The following RARB variants were observed in gnomAD, a reference collection of about 807,000 sequenced individuals.
RARB encodes retinoic acid receptor beta, also known as HBV-activated protein.
RARB carries 17 observed loss-of-function variants against 51.9 expected under a neutral mutation model. The ratio of observed to expected loss-of-function variants is 0.33; its 90% CI spans 0.22 to 0.49. RARB has a LOEUF of 0.49. RARB is among the 20% of genes least tolerant of loss of function. The probability of loss-of-function intolerance (pLI) is 0.99; values close to 1 mark genes in which losing one functional copy is unlikely to be tolerated. For missense variants in RARB, 369 were observed against 550.8 expected (o/e 0.67, Z 3.30); for synonymous variants, 215 against 195.4 (o/e 1.10, Z -0.84).
At chr3:25,556,005 G>GAATTTT in intron 3 of RARB, among the ~76,000 whole-genome samples, 1 of 99,176 alleles carries the variant, frequency 1.0e-5, no homozygotes, top group Non-Finnish European at 2.0e-5. Flanking sequence ...TGGACATCTT[G>GAATTTT]TATTTTTTTT....
At chr3:24,906,374 G>C (rs1038589867) in intron 2 of RARB, among the ~76,000 whole-genome samples, 6 of 152,206 alleles carry the variant, frequency 3.9e-5, no homozygotes, top group African/African-American at 1.2e-4. Context: ...GAATGCTTCA[G>C]ATTTTTGGCT....
intron 2 of RARB, among the ~76,000 whole-genome samples, chr3:25,467,230 TGTTGTATCA>T (rs1221770491): frequency 6.6e-6 from 1 of 152,276 alleles, no homozygotes; most frequent in African/African-American, 2.4e-5. Flanking sequence ...TAGTCTATGC[TGTTGTATCA>T]GTTAGCTTCT....
At chr3:25,116,896 C>T (rs1476207483) in intron 3 of RARB, among the ~76,000 whole-genome samples, 2 of 152,050 alleles carry the variant, frequency 1.3e-5, no homozygotes, top group East Asian at 1.9e-4. Flanking sequence ...TGCCAATTTT[C>T]CTCTTCCTGA....
At chr3:25,119,337 T>A (rs573264751) in intron 3 of RARB, among the ~76,000 whole-genome samples, 37 of 152,286 alleles carry the variant, frequency 2.4e-4, no homozygotes, top group African/African-American at 8.7e-4. Context: ...TTTGAACCCT[T>A]GTTCCTCCAT....
chr3:25,259,950 G>C (rs1702956469), intron 5 of RARB: 1 of 985,160 alleles, frequency 1.0e-6, no homozygotes, highest in African/African-American at 1.7e-5. Context: ...GGAGGGGAGG[G>C]GGGCAGTCAG....
intron 2 of RARB, among the ~76,000 whole-genome samples, chr3:25,467,654 C>A (rs1695496639): frequency 3.9e-5 from 6 of 152,236 alleles, no homozygotes; most frequent in Admixed American, 3.9e-4. Flanking sequence ...ATAAACTTCA[C>A]CTCCTAAGGG....
At chr3:24,922,027 T>C (rs1341206732) in intron 2 of RARB, among the ~76,000 whole-genome samples, 1 of 152,228 alleles carries the variant, frequency 6.6e-6, no homozygotes, top group African/African-American at 2.4e-5. Flanking sequence ...TAGGTCTGCA[T>C]GCTAGACCCT....
intron 5 of RARB, among the ~76,000 whole-genome samples, chr3:25,256,174 C>T (rs1702859073): frequency 6.6e-6 from 1 of 152,118 alleles, no homozygotes; most frequent in Non-Finnish European, 1.5e-5. Context: ...TATTCAACAC[C>T]TATTGTATAC....
chr3:25,503,986 C>T (rs1361127821), intron 3 of RARB, among the ~76,000 whole-genome samples: 1 of 152,182 alleles, frequency 6.6e-6, no homozygotes, highest in South Asian at 2.1e-4. Context: ...AATCGGCCAC[C>T]TCTCCTCCCC....
At chr3:25,491,584 G>A (rs1474446765) in intron 2 of RARB, among the ~76,000 whole-genome samples, 2 of 152,196 alleles carry the variant, frequency 1.3e-5, no homozygotes, top group Non-Finnish European at 2.9e-5. Context: ...TCTGTAGCCT[G>A]GACTGACTAC....
chr3:25,135,845 A>G (rs929138003), intron 4 of RARB, among the ~76,000 whole-genome samples: 3 of 152,036 alleles, frequency 2.0e-5, no homozygotes, highest in East Asian at 1.9e-4. Flanking sequence ...ACTTAGGGCA[A>G]ACTCCAGAGA....
At chr3:25,198,728 A>G (rs1324650584) in intron 5 of RARB, among the ~76,000 whole-genome samples, 6 of 152,124 alleles carry the variant, frequency 3.9e-5, no homozygotes, top group African/African-American at 9.7e-5. Flanking sequence ...GCAAATCAAA[A>G]CTACAATGCT....
intron 3 of RARB, among the ~76,000 whole-genome samples, chr3:25,119,997 A>C (rs1009678307): frequency 1.3e-5 from 2 of 152,128 alleles, no homozygotes; most frequent in Non-Finnish European, 2.9e-5. Context: ...AGTGCCCCCC[A>C]GCTCCAAGGC....
Position 25,284,013 on chromosome 3 carries a change from A to AGACTAT in RARB, c.178+109443_178+109448dup, listed in dbSNP as rs140878788. 6.4e-3 allele frequency among the ~76,000 whole-genome samples: 982 copies of AGACTAT among 152,324 alleles called. 19 individuals carry two copies. Among genetic ancestry groups the AGACTAT allele is most frequent in the African/African-American group, 0.023 (944 of 41,574 alleles). ...GTCATTTCCAAGCATAGGTTATAAA[A>AGACTAT]GACTATGACTTTTCTCCTGCTGGCA... On this transcript the variant is annotated intron_variant, in intron 5 of 11. Coordinates refer to the RARB transcript ENST00000383772.
chr3:25,099,136 T>A (rs1699353025), intron 3 of RARB, among the ~76,000 whole-genome samples: 1 of 152,130 alleles, frequency 6.6e-6, no homozygotes, highest in African/African-American at 2.4e-5. Flanking sequence ...GTGGTGAGCA[T>A]AAAAGGGAAG....
chr3:24,943,422 T>C (rs1695711164), intron 2 of RARB, among the ~76,000 whole-genome samples: 1 of 152,158 alleles, frequency 6.6e-6, no homozygotes, highest in African/African-American at 2.4e-5. Context: ...CCCCTTTAGG[T>C]CTAACGGCAT....
chr3:25,059,350 G>A (rs1015373004), intron 2 of RARB, among the ~76,000 whole-genome samples: 2 of 151,536 alleles, frequency 1.3e-5, no homozygotes, highest in Non-Finnish European at 3.0e-5. Flanking sequence ...AAACTCCTGA[G>A]GCTTTGGATA....
At chr3:25,338,681 T>C (rs1435390161) in intron 5 of RARB, among the ~76,000 whole-genome samples, 1 of 152,208 alleles carries the variant, frequency 6.6e-6, no homozygotes, top group Non-Finnish European at 1.5e-5. Context: ...GTCATGTTGC[T>C]TCTTCATAAG....
At chr3:24,938,247 G>T (rs980734544) in intron 2 of RARB, among the ~76,000 whole-genome samples, 2 of 152,088 alleles carry the variant, frequency 1.3e-5, no homozygotes, top group Non-Finnish European at 2.9e-5. Context: ...TTGAACACTG[G>T]CAATTTTCTA....
Sources: gnomAD v4.1 joint callset for allele counts (sites outside exome capture counted in the v4.1 genomes callset) on GRCh38, gnomAD v4.1.1 for gene constraint, MANE v1.5 for transcripts, NCBI Gene and HGNC (gene_info 2026-07-23, HGNC 2026-07-21) for gene names.